Variants in DNASE1 observed in about 807,000 individuals in gnomAD.
DNASE1 encodes deoxyribonuclease 1, also known as deoxyribonuclease-1.
In DNASE1, 40 loss-of-function variants were observed where a neutral mutation model predicts 33.9. The observed-to-expected ratio is 1.18, with a 90% CI of 0.92 to 1.54. The LOEUF (loss-of-function observed/expected upper bound fraction) is 1.54, where lower values mean the gene tolerates loss of function less well. Ranked by LOEUF, DNASE1 falls within the 40% of genes most tolerant of loss-of-function variation. The pLI, the probability that DNASE1 is intolerant of heterozygous loss-of-function variation, is 0.00. For missense variants in DNASE1, 518 were observed against 372.6 expected (o/e 1.39, Z -3.21); for synonymous variants, 216 against 160.0 (o/e 1.35, Z -2.64).
intron 1 of DNASE1, among the ~76,000 whole-genome samples, chr16:3,635,067 G>A (rs548078107): frequency 2.0e-5 from 3 of 152,092 alleles, no homozygotes; most frequent in Non-Finnish European, 4.4e-5. Context: ...AAGCTATCCT[G>A]CCTCAGCCTC....
rs543636585 is a variant in DNASE1 at position 3,656,544 on chromosome 16, C to T, written c.321-94C>T. 34 of 1,019,486 alleles carry T rather than the reference C, an allele frequency of 3.3e-5. No homozygotes were observed. In the South Asian group the frequency reaches 4.6e-4, roughly 14 times the overall value. The allele number at this position is 1,019,486 out of a possible 1,614,324, so 63.2% of individuals were successfully genotyped here. A position where few individuals can be genotyped will look rare whatever the true frequency, so the allele number is the denominator to read the frequency against. On this transcript the variant is annotated intron_variant, in intron 4 of 8. Transcript: ENST00000246949. The stretch of plus-strand genomic sequence containing the variant: ...AGCAGGTGCCTGGCTCCCCCGCCCT[C>T]CTGTCGCCTGGGACGCGACGCCTGC...
intron 1 of DNASE1, among the ~76,000 whole-genome samples, chr16:3,635,333 C>G (rs916681887): frequency 1.3e-5 from 2 of 151,552 alleles, no homozygotes; most frequent in African/African-American, 2.4e-5. Context: ...TGGCGTGTGC[C>G]TATAATCCCA....
At chr16:3,633,013 A>G (rs2041747677) in intron 1 of DNASE1, among the ~76,000 whole-genome samples, 1 of 152,118 alleles carries the variant, frequency 6.6e-6, no homozygotes, top group Non-Finnish European at 1.5e-5. Context: ...CTTCTGAGAA[A>G]GTCTTTATTT....
chr16:3,655,201 G>A (rs2042517823), intron 1 of DNASE1, among the ~76,000 whole-genome samples, 157 bp downstream of exon 1: 2 of 152,190 alleles, frequency 1.3e-5, no homozygotes, highest in African/African-American at 2.4e-5. Flanking sequence ...GGTCCTCTAC[G>A]TGGTGCCAGC....
At position 3,657,797 on chromosome 16, in the gene DNASE1, A is replaced by G. The variant is rs368045366; in HGVS notation, c.782A>G (p.Tyr261Cys). The change falls in exon 8 of 9, where the codon TAT becomes TGT. Residue 261 changes from tyrosine to cysteine, a missense_variant. Coordinates refer to ENST00000246949, the MANE Select transcript of DNASE1 (RefSeq NM_005223.4). ...SALPFNFQAA[Y>C]GLSDQLAQAI... is the part of the protein sequence containing the mutation. ...CTTCCCTTTAACTTCCAGGCTGCCTATGGCCTGAGTGACCAACTGGTATGT... is the reference window on the plus strand; with the variant it reads ...CTTCCCTTTAACTTCCAGGCTGCCTGTGGCCTGAGTGACCAACTGGTATGT... 20 of 1,613,698 alleles carry G rather than the reference A, an allele frequency of 1.2e-5. No homozygotes were observed. Among genetic ancestry groups the G allele is most frequent in the East Asian group, 6.7e-5 (3 of 44,892 alleles).
At chr16:3,643,023 G>A (rs2042067581) in exon 1 of DNASE1, 1 of 152,600 alleles carries the variant, frequency 6.6e-6, no homozygotes, top group Non-Finnish European at 1.5e-5. Context: ...CACAACACAG[G>A]GAAGCTTGGG....
intron 1 of DNASE1, among the ~76,000 whole-genome samples, chr16:3,633,852 A>G (rs2041782084): frequency 6.6e-6 from 1 of 152,096 alleles, no homozygotes; most frequent in Non-Finnish European, 1.5e-5. Flanking sequence ...TCTGTCGCCC[A>G]GGCTGAAGTG....
intron 1 of DNASE1, among the ~76,000 whole-genome samples, chr16:3,649,165 T>C (rs923682909): frequency 6.6e-6 from 1 of 152,222 alleles, no homozygotes; most frequent in Non-Finnish European, 1.5e-5. Context: ...AGGCTGTCTT[T>C]TGTGATGTTA....
chr16:3,645,641 G>A (rs1462098736), intron 1 of DNASE1, among the ~76,000 whole-genome samples: 1 of 152,236 alleles, frequency 6.6e-6, no homozygotes, highest in Admixed American at 6.5e-5. Flanking sequence ...CCTCGTGGAA[G>A]GCAGAAGGCG....
At chr16:3,629,129 G>A (rs1489696832) in intron 1 of DNASE1, among the ~76,000 whole-genome samples, 3 of 138,862 alleles carry the variant, frequency 2.2e-5, no homozygotes, top group African/African-American at 5.5e-5. Flanking sequence ...CCGAGATTGC[G>A]CCACTGCACT....
Position 3,657,346 on chromosome 16 carries a change from G to T in DNASE1, c.704+5G>T. The stretch of plus-strand genomic sequence containing the variant: ...CACGCACTGTGCCTATGACAGGTGA[G>T]CAGGGCCTCGCGCTTAGGGCAGACT... On this transcript the variant is annotated splice_donor_5th_base_variant and intron_variant, in intron 7 of 8. Coordinates refer to ENST00000246949, the MANE Select transcript of DNASE1 (RefSeq NM_005223.4). The T allele has an allele frequency of 6.2e-7, 1 of 1,612,266 alleles. No homozygotes were observed. The highest frequency in any genetic ancestry group is 8.5e-7 in the Non-Finnish European group (1 of 1,179,920).
intron 1 of DNASE1, among the ~76,000 whole-genome samples, chr16:3,637,762 A>G (rs568507656): frequency 6.6e-6 from 1 of 152,256 alleles, no homozygotes; most frequent in South Asian, 2.1e-4. Context: ...AGAGTCTGGT[A>G]GGGCTCATGG....
At chr16:3,646,940 A>G (rs1318024186) in intron 1 of DNASE1, among the ~76,000 whole-genome samples, 1 of 152,002 alleles carries the variant, frequency 6.6e-6, no homozygotes, top group African/African-American at 2.4e-5. Flanking sequence ...AAGGCCAAGG[A>G]AATAATCTGG....
At chr16:3,662,005 G>C, downstream of DNASE1, 1 of 1,609,244 alleles carries the variant, frequency 6.2e-7, no homozygotes, top group Non-Finnish European at 8.5e-7. Context: ...GATCTCCAGC[G>C]TGGGCTGCAG....
intron 1 of DNASE1, among the ~76,000 whole-genome samples, chr16:3,647,143 G>C (rs1006996936): frequency 6.6e-6 from 1 of 151,828 alleles, no homozygotes; most frequent in African/African-American, 2.4e-5. Context: ...TTAATTTTTT[G>C]TGTGTGGTTT....
intron 1 of DNASE1, among the ~76,000 whole-genome samples, chr16:3,619,709 C>T (rs2041238986): frequency 1.3e-5 from 2 of 151,528 alleles, no homozygotes; most frequent in Admixed American, 6.6e-5. Flanking sequence ...ACAGGTCTTG[C>T]TATGTTGCCC....
At chr16:3,646,338 C>T (rs1455431100) in intron 1 of DNASE1, among the ~76,000 whole-genome samples, 6 of 152,084 alleles carry the variant, frequency 3.9e-5, no homozygotes, top group African/African-American at 1.4e-4. Context: ...GCAAGAAAGA[C>T]CACTACTTTC....
exon 10 of DNASE1, chr16:3,663,438 T>G: frequency 6.2e-7 from 1 of 1,614,070 alleles, no homozygotes; most frequent in Non-Finnish European, 8.5e-7. Context: ...GGACCTGTCC[T>G]CAAACTTCTC....
intron 1 of DNASE1, among the ~76,000 whole-genome samples, chr16:3,647,136 A>AT (rs1426104799): frequency 2.0e-5 from 3 of 151,870 alleles, no homozygotes; most frequent in African/African-American, 4.8e-5. Context: ...TGGGCATTTA[A>AT]TTTTTTGTGT....
Sources: allele counts gnomAD v4.1 joint callset (sites outside exome capture counted in the v4.1 genomes callset), GRCh38; gene constraint gnomAD v4.1.1; transcripts MANE v1.5; gene names NCBI Gene and HGNC (gene_info 2026-07-23, HGNC 2026-07-21).